Variants in UBE3C observed in about 807,000 individuals in gnomAD.
UBE3C encodes ubiquitin protein ligase E3C, also known as ubiquitin-protein ligase E3C.
In UBE3C, 42 loss-of-function variants were observed where a neutral mutation model predicts 129.4. That is an observed-to-expected ratio of 0.32 (90% CI 0.25 to 0.42). UBE3C has a LOEUF of 0.42. UBE3C is among the 10% of genes least tolerant of loss of function. The pLI, the probability that UBE3C is intolerant of heterozygous loss-of-function variation, is 1.00. For synonymous variants in UBE3C, 510 were observed against 492.4 expected (o/e 1.04, Z -0.47); for missense variants, 1,049 against 1,319.1 (o/e 0.80, Z 3.17).
Position 157,202,668 on chromosome 7 carries a change from A to G in UBE3C, c.1418+861A>G, listed in dbSNP as rs563770427. On this transcript the variant is annotated intron_variant, in intron 11 of 22. Coordinates refer to ENST00000348165, the MANE Select transcript of UBE3C (RefSeq NM_014671.3). ...AGACTTCCTCTCAAAAAAAAAGAAA[A>G]AAAGAAGTCTATGCCAATCCCCCTG... Among the ~76,000 whole-genome samples the G allele has an allele frequency of 1.8e-4, 27 of 152,288 alleles. 1 individual carries two copies. The South Asian group carries it at 5.6e-3, about 32-fold the overall frequency.
Position 157,207,712 on chromosome 7 carries a change from A to C in UBE3C, c.1586A>C (p.Gln529Pro). 2 of 1,613,186 alleles carry C rather than the reference A, an allele frequency of 1.2e-6. No individual in the cohort carries two copies. Among genetic ancestry groups the C allele is most frequent in the Non-Finnish European group, 1.7e-6 (2 of 1,179,810 alleles). Residue 529 changes from glutamine to proline, a missense_variant, in exon 13 of 23, where the codon CAA becomes CCA. Physicochemically the swap from Gln to Pro is moderately conservative, Grantham distance 76 (BLOSUM62 -1). Transcript: ENST00000348165. ...GGATTGTGTTTTTTAGTTGTAGGTC[A>C]AAGACAATCATCAATGATGCCTTTT... ...FFGDPIEVVGQRQSSMMPFTL... is the reference protein window; with the variant it reads ...FFGDPIEVVGPRQSSMMPFTL...
At chr7:157,165,552 C>T (rs1050074197) in intron 2 of UBE3C, among the ~76,000 whole-genome samples, 7 of 151,974 alleles carry the variant, frequency 4.6e-5, no homozygotes, top group African/African-American at 9.7e-5. Flanking sequence ...TGCACGCCAC[C>T]GCACCCAGCT....
At chr7:157,142,916 G>C (rs543966345) in intron 1 of UBE3C, among the ~76,000 whole-genome samples, 127 of 151,740 alleles carry the variant, frequency 8.4e-4, no homozygotes, top group Non-Finnish European at 3.7e-4. Context: ...GCCCAGGCTG[G>C]AGTGCAATGG....
At chr7:157,220,984 G>T in intron 15 of UBE3C, 1 of 516,132 alleles carries the variant, frequency 1.9e-6, no homozygotes, top group Non-Finnish European at 3.4e-6. Flanking sequence ...TTTCTGTTTT[G>T]TCCTGTCACT....
chr7:157,203,221 G>C (rs922919338), intron 11 of UBE3C, among the ~76,000 whole-genome samples: 5 of 152,144 alleles, frequency 3.3e-5, no homozygotes, highest in Admixed American at 6.5e-5. Context: ...CTTAAGTGAG[G>C]AAAGGGGAGT....
At chr7:157,178,973 C>T in intron 6 of UBE3C, 126 bp downstream of exon 6, 1 of 1,197,220 alleles carries the variant, frequency 8.4e-7, no homozygotes, top group Non-Finnish European at 1.1e-6. Context: ...TCCCAGACGC[C>T]TTGTGCTCCA....
At chr7:157,220,976 T>C (rs1795721877) in intron 15 of UBE3C, 200 bp downstream of exon 15, 2 of 539,020 alleles carry the variant, frequency 3.7e-6, no homozygotes, top group Non-Finnish European at 6.5e-6. Context: ...GCCACCCATT[T>C]CTGTTTTGTC....
intron 1 of UBE3C, among the ~76,000 whole-genome samples, chr7:157,144,469 C>G (rs1329100592): frequency 6.6e-6 from 1 of 151,988 alleles, no homozygotes; most frequent in African/African-American, 2.4e-5. Flanking sequence ...GTGGGGAAGA[C>G]AGGAGTGGCA....
At chr7:157,151,106 C>T (rs948283760) in intron 1 of UBE3C, among the ~76,000 whole-genome samples, 1 of 152,162 alleles carries the variant, frequency 6.6e-6, no homozygotes, top group African/African-American at 2.4e-5. Context: ...AGCCCACTCT[C>T]GGGGTGAGGG....
chr7:157,159,459 A>G (rs1309124299), intron 1 of UBE3C, among the ~76,000 whole-genome samples: 2 of 152,240 alleles, frequency 1.3e-5, no homozygotes, highest in East Asian at 1.9e-4. Context: ...GTAAAAGGAC[A>G]CATTCAAAAG....
At chr7:157,245,796 G>C (rs1161980612) in intron 18 of UBE3C, among the ~76,000 whole-genome samples, 1 of 152,072 alleles carries the variant, frequency 6.6e-6, no homozygotes, top group African/African-American at 2.4e-5. Flanking sequence ...TTCGAGACCA[G>C]CCTGGCCAAT....
At chr7:157,196,711 A>G (rs183303403) in intron 10 of UBE3C, among the ~76,000 whole-genome samples, 2 of 151,930 alleles carry the variant, frequency 1.3e-5, no homozygotes, top group Admixed American at 6.6e-5. Flanking sequence ...GCTCACGCCT[A>G]TAATCCCAGC....
chr7:157,198,577 C>T, intron 10 of UBE3C: 2 of 287,732 alleles, frequency 7.0e-6, no homozygotes, highest in South Asian at 6.9e-5. Context: ...TTCTGTCACC[C>T]AGGCTGAAGT....
At chr7:157,255,972 TTGTC>T (rs1482519667) in intron 21 of UBE3C, among the ~76,000 whole-genome samples, 1 of 152,130 alleles carries the variant, frequency 6.6e-6, no homozygotes, top group South Asian at 2.1e-4. Context: ...TAGACACCCA[TTGTC>T]TGTCATGTTA....
chr7:157,170,831 G>A (rs1250317994), intron 4 of UBE3C, among the ~76,000 whole-genome samples: 2 of 152,028 alleles, frequency 1.3e-5, no homozygotes, highest in Non-Finnish European at 2.9e-5. Context: ...TAAAATACAA[G>A]GTCTCAGTGT....
intron 16 of UBE3C, 66 bp downstream of exon 16, chr7:157,223,417 C>T: frequency 7.2e-7 from 1 of 1,393,660 alleles, no homozygotes; most frequent in Admixed American, 2.2e-5. Context: ...AACACACACC[C>T]ACCAGAGAAA....
intron 4 of UBE3C, among the ~76,000 whole-genome samples, chr7:157,172,139 C>T (rs779501862): frequency 2.6e-5 from 4 of 151,634 alleles, no homozygotes; most frequent in Non-Finnish European, 5.9e-5. Flanking sequence ...TCAAGCGATT[C>T]TCCTACCTGA....
intron 22 of UBE3C, 70 bp downstream of exon 22, chr7:157,257,114 G>C: frequency 2.5e-6 from 4 of 1,583,938 alleles, no homozygotes; most frequent in Non-Finnish European, 3.4e-6. Context: ...ACATTCAGTA[G>C]GGTTAAATGA....
At chr7:157,178,340 T>C (rs557696428) in intron 5 of UBE3C, among the ~76,000 whole-genome samples, 1 of 152,320 alleles carries the variant, frequency 6.6e-6, no homozygotes, top group African/African-American at 2.4e-5. Context: ...GAGATTCGTA[T>C]CTGAGTTTAA....
Sources: gnomAD v4.1 joint callset for allele counts (sites outside exome capture counted in the v4.1 genomes callset) on GRCh38, gnomAD v4.1.1 for gene constraint, MANE v1.5 for transcripts, NCBI Gene and HGNC (gene_info 2026-07-23, HGNC 2026-07-21) for gene names.